The following ARAP2 variants were observed in gnomAD, a reference collection of about 807,000 sequenced individuals.
The protein encoded by ARAP2 is ArfGAP with RhoGAP domain, ankyrin repeat and PH domain 2.
In ARAP2, 148 loss-of-function variants were observed where a neutral mutation model predicts 194.5. The observed-to-expected ratio is 0.76, with a 90% confidence interval of 0.67 to 0.87. ARAP2 has a LOEUF of 0.87. Among genes scored for constraint, ARAP2 ranks in the 40% least tolerant of loss-of-function variants. ARAP2 has a pLI of 0.00. For missense variants in ARAP2, 2,128 were observed against 1,989.7 expected (o/e 1.07, Z -1.32); for synonymous variants, 695 against 683.5 (o/e 1.02, Z -0.26).
chr4:36,192,151 C>T (rs934151932), intron 7 of ARAP2, among the ~76,000 whole-genome samples: 2 of 145,754 alleles, frequency 1.4e-5, no homozygotes, highest in African/African-American at 5.0e-5. Flanking sequence ...TTAGGAAACA[C>T]CAAATCCAGT....
chr4:36,131,367 A>T (rs1725407662), intron 20 of ARAP2, among the ~76,000 whole-genome samples: 1 of 150,208 alleles, frequency 6.7e-6, no homozygotes, highest in Non-Finnish European at 1.5e-5. Flanking sequence ...AAAATATGAC[A>T]CATATTTATA....
chr4:36,189,247 T>A (rs1019768684), intron 7 of ARAP2, among the ~76,000 whole-genome samples: 6 of 152,188 alleles, frequency 3.9e-5, no homozygotes, highest in East Asian at 1.9e-4. Context: ...TTTCCACTAT[T>A]TTTTTTTAAT....
intron 19 of ARAP2, among the ~76,000 whole-genome samples, chr4:36,137,263 C>T (rs757515056): frequency 4.6e-5 from 7 of 151,810 alleles, no homozygotes; most frequent in Non-Finnish European, 8.8e-5. Flanking sequence ...TGCACACAAA[C>T]ACATGCATTT....
rs1403729248 is a variant in ARAP2 at position 36,187,568 on chromosome 4, T to A, written c.1561A>T (p.Met521Leu). 14 of 1,544,622 alleles carry A rather than the reference T, an allele frequency of 9.1e-6. No individual in the cohort carries two copies. The highest frequency in any genetic ancestry group is 1.2e-5 in the Non-Finnish European group (14 of 1,153,662). ...SISYYNNEKE[M>L]YSKGIIPLSA... ...AGGGGAATTATTCCTTTCGAATACA[T>A]CTCCTGTATTGGTTAGAAAAAAAGA... Residue 521 changes from methionine to leucine, a missense_variant, in exon 8 of 33, where the codon ATG (methionine) becomes TTG (leucine). Transcript: ENST00000303965.
At chr4:36,016,539 A>G (rs929550420) in intron 6 of ARAP2, among the ~76,000 whole-genome samples, 2 of 152,134 alleles carry the variant, frequency 1.3e-5, no homozygotes, top group African/African-American at 2.4e-5. Context: ...AGTGAAATAT[A>G]ATCCAGATTG....
At position 36,091,738 on chromosome 4, in the gene ARAP2, C is replaced by A. The variant is rs1046058326; in HGVS notation, c.4425+143G>T. The A allele has an allele frequency of 6.6e-6, 6 of 911,408 alleles. No individual in the cohort carries two copies. The Admixed American group carries it at 9.5e-5, about 14-fold the overall frequency. The allele number at this position is 911,408 out of a possible 1,614,324, so 56.5% of individuals were successfully genotyped here. A position where few individuals can be genotyped will look rare whatever the true frequency, so the allele number is the denominator to read the frequency against. On this transcript the variant is annotated intron_variant, in intron 28 of 32. Coordinates refer to ENST00000303965, the MANE Select transcript of ARAP2 (RefSeq NM_015230.4). ...TACTGAGTGCATTAATATCTTATAC[C>A]ATAGGCTGAAGCAAATCATCAGCTT... is the stretch of plus-strand genomic sequence containing the variant.
At chr4:36,034,238 T>A (rs1719516815) in intron 5 of ARAP2, among the ~76,000 whole-genome samples, 1 of 152,162 alleles carries the variant, frequency 6.6e-6, no homozygotes, top group South Asian at 2.1e-4. Context: ...TTGGACAGTA[T>A]GGTCATTTGA....
At chr4:36,180,406 T>C (rs1419870968) in intron 8 of ARAP2, among the ~76,000 whole-genome samples, 1 of 152,228 alleles carries the variant, frequency 6.6e-6, no homozygotes, top group African/African-American at 2.4e-5. Flanking sequence ...GCTAAGTCAA[T>C]GTCCATATGC....
chr4:36,009,881 G>T (rs1205187989), intron 9 of ARAP2, among the ~76,000 whole-genome samples: 21 of 52,458 alleles, frequency 4.0e-4, no homozygotes, highest in South Asian at 1.8e-3. Flanking sequence ...TGTTTTTTTT[G>T]GCGGGGGGTA....
rs1245869280 is a variant in ARAP2, at chr4:36,244,343, CCTGGCGGCGGCCGCG to C, written c.-339_-325del. The C allele has an allele frequency of 1.3e-5, 2 of 151,558 alleles. No homozygotes were observed. The highest frequency in any genetic ancestry group is 2.4e-5 in the African/African-American group (1 of 41,352). The allele number at this position is 151,558 out of a possible 1,614,324, so 9.4% of individuals were successfully genotyped here. On this transcript the variant is annotated 5_prime_UTR_variant, in exon 1 of 33. Transcript: ENST00000303965. ...CGGCTGTCCGCAGTCGCCTCTGCTG[CCTGGCGGCGGCCGCG>C]CGGGCGGCGCTGTTAGTGGGGCCGG...
chr4:36,020,016 T>A (rs1716627303), intron 5 of ARAP2, among the ~76,000 whole-genome samples: 1 of 152,204 alleles, frequency 6.6e-6, no homozygotes, highest in Non-Finnish European at 1.5e-5. Flanking sequence ...TAGTAAGAGA[T>A]GAATAACAAT....
rs73806431 is a variant in ARAP2 at position 36,047,649 on chromosome 4, T to C, written n.370-800A>G. Among the ~76,000 whole-genome samples, 1,008 of 152,340 alleles carry C rather than the reference T, an allele frequency of 6.6e-3. 13 individuals carry two copies. Among genetic ancestry groups the C allele is most frequent in the African/African-American group, 0.023 (952 of 41,572 alleles). Reference sequence around the variant, plus strand: ...AACTGAATTCAACTTATTCCTGAGGTTACCACTTCTTCATCCTTCTCAGGT... The same window carrying C: ...AACTGAATTCAACTTATTCCTGAGGCTACCACTTCTTCATCCTTCTCAGGT... On this transcript the variant is annotated intron_variant and non_coding_transcript_variant, in intron 3 of 12. Transcript: ENST00000503225.
Position 36,229,412 on chromosome 4 carries a change from T to G in ARAP2, c.75A>C (p.Leu25Phe), listed in dbSNP as rs375707222. 1 of 1,613,924 alleles carries G rather than the reference T, an allele frequency of 6.2e-7. No individual in the cohort carries two copies. Among genetic ancestry groups the G allele is most frequent in the Non-Finnish European group, 8.5e-7 (1 of 1,179,892 alleles). ...TAGTAAAACCAGACTCATGGAAATG[T>G]AAGAGATACTGCTCCAAATTAATGC... ...LMSINLEQYL[L>F]HFHESGFTTV... Residue 25 changes from leucine to phenylalanine, a missense_variant, in exon 2 of 33, where the codon TTA (leucine) becomes TTC (phenylalanine). Leu to Phe is a conservative substitution (Grantham distance 22). Coordinates refer to ENST00000303965, the MANE Select transcript of ARAP2 (RefSeq NM_015230.4).
intron 7 of ARAP2, among the ~76,000 whole-genome samples, chr4:36,190,046 G>GT (rs1741520359): frequency 6.6e-6 from 1 of 152,114 alleles, no homozygotes; most frequent in Admixed American, 6.5e-5. Context: ...TGTCACATTG[G>GT]TTTTCTTGAG....
chr4:36,120,574 C>T (rs111704078), intron 23 of ARAP2, among the ~76,000 whole-genome samples: 27 of 151,676 alleles, frequency 1.8e-4, no homozygotes, highest in African/African-American at 6.3e-4. Flanking sequence ...GGACCTTTTG[C>T]CCAAATCCAC....
At chr4:36,094,395 T>C (rs907734389) in intron 27 of ARAP2, among the ~76,000 whole-genome samples, 3 of 152,094 alleles carry the variant, frequency 2.0e-5, no homozygotes, top group Non-Finnish European at 4.4e-5. Context: ...TCTAGGCCTT[T>C]TACGGAAAAA....
intron 10 of ARAP2, among the ~76,000 whole-genome samples, chr4:36,166,580 A>C (rs1400972926): frequency 6.6e-6 from 1 of 152,014 alleles, no homozygotes; most frequent in Admixed American, 6.6e-5. Context: ...AAGAAGATAA[A>C]TAGCAATACA....
chr4:36,202,512 T>A (rs1744589484), intron 6 of ARAP2, among the ~76,000 whole-genome samples: 1 of 151,720 alleles, frequency 6.6e-6, no homozygotes, highest in South Asian at 2.1e-4. Flanking sequence ...AAAAAGGTAC[T>A]CAACATAAAA....
At chr4:36,156,013 G>A (rs973405309) in intron 15 of ARAP2, among the ~76,000 whole-genome samples, 7 of 152,048 alleles carry the variant, frequency 4.6e-5, no homozygotes, top group African/African-American at 1.7e-4. Context: ...TGGGCACAAT[G>A]GCTCATGCCT....
Sources: gnomAD v4.1 joint callset for allele counts (sites outside exome capture counted in the v4.1 genomes callset) on GRCh38, gnomAD v4.1.1 for gene constraint, MANE v1.5 for transcripts, NCBI Gene and HGNC (gene_info 2026-07-23, HGNC 2026-07-21) for gene names.